The following OCA2 variants were observed in gnomAD, a reference collection of about 807,000 sequenced individuals.
OCA2 encodes the protein OCA2 melanosomal transmembrane protein.
OCA2 carries 77 observed loss-of-function variants against 100.2 expected under a neutral mutation model. The observed-to-expected ratio is 0.77, with a 90% CI of 0.64 to 0.93. The LOEUF is 0.93. Among genes scored for constraint, OCA2 ranks in the 40% least tolerant of loss-of-function variants. OCA2 has a pLI of 0.00. For missense variants in OCA2, 1,062 were observed against 1,089.1 expected, an observed-to-expected ratio of 0.98 and a Z score of 0.35; for synonymous variants, 432 against 439.2, an observed-to-expected ratio of 0.98 and a Z score of 0.21.
intron 19 of OCA2, among the ~76,000 whole-genome samples, chr15:27,911,457 G>A (rs1320924419): frequency 6.6e-6 from 1 of 152,126 alleles, no homozygotes; most frequent in Non-Finnish European, 1.5e-5. Context: ...AGGTTTATTT[G>A]GCTCACAGTT....
In OCA2 at chr15:27,985,202, C is replaced by T. The variant is rs1466579231; in HGVS notation, c.1240-14G>A. ...GAGCCGGTATGCCTGGCCACACACA[C>T]ACAGAGAGAGTACAAGCCAGAGTGA... On this transcript the variant is annotated splice_polypyrimidine_tract_variant and intron_variant, in intron 12 of 23. Coordinates refer to ENST00000354638, the MANE Select transcript of OCA2 (RefSeq NM_000275.3). 20 of 1,613,570 alleles carry T rather than the reference C, an allele frequency of 1.2e-5. No individual in the cohort carries two copies. The highest frequency in any genetic ancestry group is 1.6e-5 in the Non-Finnish European group (19 of 1,179,962).
intron 19 of OCA2, among the ~76,000 whole-genome samples, chr15:27,913,894 AGCAAGCAAGCAAGCAAGCAAGC>A (rs1258309342): frequency 4.1e-4 from 12 of 29,444 alleles, no homozygotes; most frequent in Admixed American, 1.2e-3. Flanking sequence ...AAAGAAAGAA[AGCAAGCAAGCAAGCAAGCAAGC>A]AAGCAAGCAA....
chr15:27,927,119 G>A (rs561894181), intron 18 of OCA2, among the ~76,000 whole-genome samples: 17 of 152,146 alleles, frequency 1.1e-4, no homozygotes, highest in African/African-American at 3.6e-4. Flanking sequence ...GAGAAACCCC[G>A]TCTCTACTAA....
At position 27,755,191 on chromosome 15, in the gene OCA2, A is replaced by T; in HGVS notation, c.*197T>A. 1 of 578,994 alleles carries T rather than the reference A, an allele frequency of 1.7e-6. No homozygotes were observed. The highest frequency in any genetic ancestry group is 3.2e-6 in the Non-Finnish European group (1 of 314,076). 35.9% of individuals were successfully genotyped at this position (578,994 alleles called of 1,614,324 possible). A position where few individuals can be genotyped will look rare whatever the true frequency, so the allele number is the denominator to read the frequency against. On this transcript the variant is annotated 3_prime_UTR_variant, in exon 24 of 24. Transcript: ENST00000354638. Reference sequence around the variant, plus strand: ...CATTTTGTCCTTGGGGAGAAAGGACACACAGAGGAGGTCATGGTGTTCCAA... The same window carrying T: ...CATTTTGTCCTTGGGGAGAAAGGACTCACAGAGGAGGTCATGGTGTTCCAA...
chr15:27,910,696 A>G (rs961451870), intron 19 of OCA2, among the ~76,000 whole-genome samples: 3 of 151,700 alleles, frequency 2.0e-5, no homozygotes, highest in African/African-American at 7.3e-5. Flanking sequence ...GGTGGCTCAC[A>G]CCTGTAATCC....
At chr15:27,782,333 A>G (rs948655639) in intron 23 of OCA2, among the ~76,000 whole-genome samples, 2 of 152,246 alleles carry the variant, frequency 1.3e-5, no homozygotes, top group African/African-American at 4.8e-5. Flanking sequence ...GACAAAACAC[A>G]GTACAGCTGT....
chr15:27,892,629 T>C (rs571056824), intron 19 of OCA2, among the ~76,000 whole-genome samples: 1 of 152,094 alleles, frequency 6.6e-6, no homozygotes, highest in South Asian at 2.1e-4. Context: ...ATATCAACAA[T>C]CTAAGTTCCT....
intron 2 of OCA2, among the ~76,000 whole-genome samples, chr15:28,033,549 A>G (rs1235649450): frequency 2.0e-5 from 3 of 152,202 alleles, no homozygotes; most frequent in Non-Finnish European, 4.4e-5. Context: ...GTCTGGGGCC[A>G]GTGAATATCC....
intron 21 of OCA2, among the ~76,000 whole-genome samples, chr15:27,853,581 GAA>G (rs112019581): frequency 1.5e-5 from 2 of 136,756 alleles, no homozygotes; most frequent in African/African-American, 2.7e-5. Flanking sequence ...AATAATAAAA[GAA>G]AAAAAAAAAA....
chr15:27,839,847 T>G (rs1259495404), intron 23 of OCA2, among the ~76,000 whole-genome samples: 1 of 152,050 alleles, frequency 6.6e-6, no homozygotes, highest in East Asian at 1.9e-4. Context: ...CAACAGAGAA[T>G]GCACACATAA....
the OCA2 span, among the ~76,000 whole-genome samples, chr15:27,745,985 C>T: frequency 3.9e-5 from 6 of 152,192 alleles, no homozygotes; most frequent in African/African-American, 1.2e-4. Flanking sequence ...TATTGCTTGA[C>T]GTCTGCTTAT....
chr15:27,856,722 A>ACG, intron 21 of OCA2, among the ~76,000 whole-genome samples: 1 of 152,012 alleles, frequency 6.6e-6, no homozygotes. Context: ...ACACACACAC[A>ACG]CACACACACA....
chr15:27,988,609 G>A (rs934316850), intron 11 of OCA2, among the ~76,000 whole-genome samples: 4 of 152,174 alleles, frequency 2.6e-5, no homozygotes, highest in Non-Finnish European at 2.9e-5. Flanking sequence ...CTCCAGAGCT[G>A]TGAGAAAATA....
chr15:27,916,693 T>C (rs1567102536), intron 19 of OCA2, among the ~76,000 whole-genome samples: 1 of 152,200 alleles, frequency 6.6e-6, no homozygotes, highest in Non-Finnish European at 1.5e-5. Context: ...AACTACTCTA[T>C]GGTTTGACCA....
intron 23 of OCA2, among the ~76,000 whole-genome samples, chr15:27,771,375 A>G (rs1348865851): frequency 3.5e-5 from 5 of 142,064 alleles, no homozygotes; most frequent in African/African-American, 1.0e-4. Flanking sequence ...GCCCCGGGGG[A>G]GAGAGAAGCC....
intron 14 of OCA2, among the ~76,000 whole-genome samples, chr15:27,969,743 C>G (rs1372456573): frequency 2.6e-5 from 4 of 152,094 alleles, no homozygotes; most frequent in Non-Finnish European, 5.9e-5. Flanking sequence ...TCATAATCTA[C>G]ATACATTTAA....
intron 18 of OCA2, among the ~76,000 whole-genome samples, chr15:27,942,424 C>T (rs1406653254): frequency 1.3e-5 from 2 of 151,606 alleles, no homozygotes; most frequent in Non-Finnish European, 2.9e-5. Flanking sequence ...TTAAATGATT[C>T]CATTAAATGA....
chr15:27,905,178 A>AAG (rs1352464135), intron 19 of OCA2, among the ~76,000 whole-genome samples: 1 of 151,832 alleles, frequency 6.6e-6, no homozygotes, highest in Non-Finnish European at 1.5e-5. Flanking sequence ...AAAAAAAAAA[A>AAG]AAATTGGCAA....
rs2030285291 is a variant in OCA2 at position 27,755,554 on chromosome 15, T to C, written c.2433-82A>G. On this transcript the variant is annotated intron_variant, in intron 23 of 23. Coordinates refer to ENST00000354638, the MANE Select transcript of OCA2 (RefSeq NM_000275.3). Reference sequence around the variant, plus strand: ...TACGGACTCATAGCTCATGAGAACATGGCCTTAGCACCTTTGCATTTTCAC... The same window carrying C: ...TACGGACTCATAGCTCATGAGAACACGGCCTTAGCACCTTTGCATTTTCAC... 6 of 1,071,358 alleles carry C rather than the reference T, an allele frequency of 5.6e-6. No individual in the cohort carries two copies. In the South Asian group the frequency reaches 6.3e-5, roughly 11 times the overall value. 66.4% of individuals were successfully genotyped at this position (1,071,358 alleles called of 1,614,324 possible). A position where few individuals can be genotyped will look rare whatever the true frequency, so the allele number is the denominator to read the frequency against.
Sources: gnomAD v4.1 joint callset for allele counts (sites outside exome capture counted in the v4.1 genomes callset) on GRCh38, gnomAD v4.1.1 for gene constraint, MANE v1.5 for transcripts, NCBI Gene and HGNC (gene_info 2026-07-23, HGNC 2026-07-21) for gene names.